Variants in TMEM131 observed in about 807,000 individuals in gnomAD.
TMEM131 encodes the protein transmembrane protein 131.
TMEM131 carries 66 observed loss-of-function variants against 211.6 expected under a neutral mutation model. The observed-to-expected ratio is 0.31, with a 90% CI of 0.26 to 0.38. The LOEUF (loss-of-function observed/expected upper bound fraction) is 0.38. Ranked by LOEUF, TMEM131 falls within the 10% of genes least tolerant of loss-of-function variation. The probability of loss-of-function intolerance (pLI) is 1.00; values close to 1 mark genes in which losing one functional copy is unlikely to be tolerated. For missense variants in TMEM131, 2,036 were observed against 2,299.3 expected (o/e 0.89, Z 2.34); for synonymous variants, 844 against 841.3 (o/e 1.00, Z -0.06).
At chr2:97,887,563 T>A (rs1037013852) in intron 4 of TMEM131, among the ~76,000 whole-genome samples, 3 of 152,012 alleles carry the variant, frequency 2.0e-5, no homozygotes, top group Non-Finnish European at 4.4e-5. Flanking sequence ...TGTGCAGTGG[T>A]TTGCTTAGCT....
chr2:97,903,470 CAG>C (rs951099914), intron 3 of TMEM131, among the ~76,000 whole-genome samples: 4 of 152,146 alleles, frequency 2.6e-5, no homozygotes, highest in Non-Finnish European at 5.9e-5. Flanking sequence ...TAAAACTAGT[CAG>C]AGTTTCATGT....
chr2:97,977,907 G>C (rs1472326429), intron 1 of TMEM131, among the ~76,000 whole-genome samples: 1 of 152,044 alleles, frequency 6.6e-6, no homozygotes, highest in Non-Finnish European at 1.5e-5. Context: ...CCAACATAGT[G>C]AAACCCCCGT....
intron 2 of TMEM131, among the ~76,000 whole-genome samples, chr2:97,914,857 CA>C (rs757639141): frequency 2.8e-4 from 42 of 152,298 alleles, no homozygotes; most frequent in Non-Finnish European, 2.8e-4. Context: ...TGTTTTAATG[CA>C]AATATAAATT....
intron 1 of TMEM131, among the ~76,000 whole-genome samples, chr2:97,964,168 T>C (rs1678941696): frequency 6.6e-6 from 1 of 152,088 alleles, no homozygotes; most frequent in Non-Finnish European, 1.5e-5. Context: ...TCTCAAGAAA[T>C]CTCCTATGTC....
Position 97,863,595 on chromosome 2 carries a change from G to C in TMEM131, c.360-4168C>G, listed in dbSNP as rs572057109. On this transcript the variant is annotated intron_variant, in intron 4 of 40. Transcript: ENST00000186436. ...TGGTTAAAACATGGGCAAAGTATCT[G>C]AATAGGTATTTCTCAAAAGAAGACA... 4.3e-4 allele frequency among the ~76,000 whole-genome samples: 65 copies of C among 152,296 alleles called. No individual in the cohort carries two copies. The Middle Eastern group carries it at 0.014, about 32-fold the overall frequency.
intron 7 of TMEM131, among the ~76,000 whole-genome samples, chr2:97,840,137 CTT>C (rs2105091907): frequency 6.6e-6 from 1 of 152,288 alleles, no homozygotes; most frequent in South Asian, 2.1e-4. Context: ...AAGAGAGTAA[CTT>C]TGGTGTTCCA....
chr2:97,987,554 G>A (rs17025319), intron 1 of TMEM131, among the ~76,000 whole-genome samples: 4,390 of 152,154 alleles, frequency 0.029, 81 homozygotes, highest in Middle Eastern at 0.065. Context: ...TAGAACTAAC[G>A]AGGGCTTAAA....
intron 31 of TMEM131, among the ~76,000 whole-genome samples, chr2:97,781,531 C>T (rs1474206767): frequency 6.6e-6 from 1 of 152,176 alleles, no homozygotes; most frequent in African/African-American, 2.4e-5. Flanking sequence ...CCATTTCAGT[C>T]TCTACACTTA....
At chr2:97,757,492 C>T (rs1678559877) in intron 40 of TMEM131, 109 bp from the exon 41 acceptor site, 7 of 1,222,882 alleles carry the variant, frequency 5.7e-6, no homozygotes, top group Non-Finnish European at 6.8e-6. Context: ...ATTCCTCTTA[C>T]TTTGTTTACT....
chr2:97,984,576 G>C (rs963036616), intron 1 of TMEM131, among the ~76,000 whole-genome samples: 3 of 151,996 alleles, frequency 2.0e-5, no homozygotes, highest in Admixed American at 6.6e-5. Flanking sequence ...TGGCGGCAAG[G>C]GGGGTGGTGA....
rs147256708 is a variant in TMEM131 at position 97,800,879 on chromosome 2, A to G, written c.2718+1016T>C. On this transcript the variant is annotated intron_variant, in intron 25 of 40. Transcript: ENST00000186436. ...TACAGATGGGAAAAGCAAAGCACGA[A>G]AAGATTCCCAGAGCCGCGCATGAGG... Among the ~76,000 whole-genome samples, 51 of 152,350 alleles carry G rather than the reference A, an allele frequency of 3.3e-4. No individual in the cohort carries two copies. In the East Asian group the frequency reaches 9.8e-3, roughly 29 times the overall value.
chr2:97,802,036 T>C lies in TMEM131; in HGVS notation c.2652-75A>G, dbSNP rs887836766. 52 of 995,224 alleles carry C rather than the reference T, an allele frequency of 5.2e-5. No individual in the cohort carries two copies. The Admixed American group carries it at 1.2e-3, about 23-fold the overall frequency. 61.6% of individuals were successfully genotyped at this position (995,224 alleles called of 1,614,324 possible). A position where few individuals can be genotyped will look rare whatever the true frequency, so the allele number is the denominator to read the frequency against. On this transcript the variant is annotated intron_variant, in intron 24 of 40. Transcript: ENST00000186436. ...AGGGAGTTATGGAGTGATTATCAGGTGTGTGCTTTATTTTCAAATTATTGT... is the reference window on the plus strand; with the variant it reads ...AGGGAGTTATGGAGTGATTATCAGGCGTGTGCTTTATTTTCAAATTATTGT...
intron 4 of TMEM131, among the ~76,000 whole-genome samples, chr2:97,883,644 A>G (rs1675023942): frequency 6.6e-6 from 1 of 152,236 alleles, no homozygotes. Flanking sequence ...TGAGGAAAGG[A>G]AATAGTCATG....
intron 1 of TMEM131, among the ~76,000 whole-genome samples, chr2:97,958,034 A>C (rs1304735142): frequency 6.6e-6 from 1 of 152,216 alleles, no homozygotes; most frequent in African/African-American, 2.4e-5. Context: ...AGGAAGAGTC[A>C]GGTGAACACG....
chr2:97,827,554 C>A, intron 11 of TMEM131: 7 of 946,744 alleles, frequency 7.4e-6, no homozygotes, highest in Non-Finnish European at 1.2e-5. Flanking sequence ...TGATTAATAA[C>A]CATATACCAT....
intron 1 of TMEM131, among the ~76,000 whole-genome samples, chr2:97,977,021 A>G (rs1379387652): frequency 6.6e-6 from 1 of 151,990 alleles, no homozygotes; most frequent in African/African-American, 2.4e-5. Context: ...AATGAACTCA[A>G]AATCAATCAC....
intron 1 of TMEM131, among the ~76,000 whole-genome samples, chr2:97,929,226 T>C (rs1384124846): frequency 1.3e-5 from 2 of 151,206 alleles, no homozygotes; most frequent in Admixed American, 1.3e-4. Context: ...GAAAGGAAGG[T>C]AAGAATCAAC....
chr2:97,944,352 T>G (rs1449740037), intron 1 of TMEM131, among the ~76,000 whole-genome samples: 1 of 152,150 alleles, frequency 6.6e-6, no homozygotes, highest in Non-Finnish European at 1.5e-5. Flanking sequence ...GACCTCAGTG[T>G]AAGAGATAAA....
intron 31 of TMEM131, among the ~76,000 whole-genome samples, chr2:97,788,216 A>C (rs1264281096): frequency 6.6e-6 from 1 of 152,166 alleles, no homozygotes; most frequent in African/African-American, 2.4e-5. Context: ...AAAGTGACAC[A>C]AACCTGAGGC....
Sources: gnomAD v4.1 joint callset for allele counts (sites outside exome capture counted in the v4.1 genomes callset) on GRCh38, gnomAD v4.1.1 for gene constraint, MANE v1.5 for transcripts, NCBI Gene and HGNC (gene_info 2026-07-23, HGNC 2026-07-21) for gene names.